FLNC: variants seen among roughly 807,000 people sequenced by gnomAD.
FLNC encodes the protein filamin C, also known as filamin-C.
A neutral mutation model predicts 254.3 loss-of-function variants in FLNC; 91 were observed. The observed-to-expected ratio is 0.36, with a 90% CI of 0.30 to 0.43. FLNC has a LOEUF of 0.43. FLNC is among the 20% of genes least tolerant of loss of function. FLNC has a pLI of 1.00. For missense variants in FLNC, 2,853 were observed against 3,802.6 expected (o/e 0.75, Z 6.57); for synonymous variants, 1,430 against 1,577.2 (o/e 0.91, Z 2.21).
Position 128,856,662 on chromosome 7 carries a change from C to T in FLNC, c.7384+12C>T, listed in dbSNP as rs1585171712. On this transcript the variant is annotated intron_variant, in intron 44 of 47. Transcript: ENST00000325888. This position sits in a 1 kb window ranked among gnomAD's most constrained non-coding sequence, Gnocchi z 5.9. ...TGAGCTGGACAGTGGTGAGCTGGCCCTGCCCCTGCCAACTCCCTTCCGGGC... is the reference window on the plus strand; with the variant it reads ...TGAGCTGGACAGTGGTGAGCTGGCCTTGCCCCTGCCAACTCCCTTCCGGGC... 6.2e-7 allele frequency: 1 copy of T among 1,613,498 alleles called. No individual in the cohort carries two copies. The highest frequency in any genetic ancestry group is 8.5e-7 in the Non-Finnish European group (1 of 1,180,020).
Position 128,841,078 on chromosome 7 carries a change from G to C in FLNC, c.1814-92G>C. ...GCTGGGGAGCGCTGGGGTGAGCAGGGAGATAGGACATGAGGGCAGCTAGAG... is the reference window on the plus strand; with the variant it reads ...GCTGGGGAGCGCTGGGGTGAGCAGGCAGATAGGACATGAGGGCAGCTAGAG... On this transcript the variant is annotated intron_variant, in intron 11 of 47. Coordinates refer to ENST00000325888, the MANE Select transcript of FLNC (RefSeq NM_001458.5). This position sits in a 1 kb window ranked among gnomAD's most constrained non-coding sequence, Gnocchi z 4.3. The C allele has an allele frequency of 1.9e-6, 3 of 1,576,080 alleles. No homozygotes were observed. The South Asian group carries it at 3.3e-5, about 18-fold the overall frequency.
chr7:128,844,148 C>T lies in FLNC; in HGVS notation c.3074C>T (p.Ala1025Val). 6.2e-7 allele frequency: 1 copy of T among 1,613,942 alleles called. No homozygotes were observed. Residue 1025 changes from alanine (A) to valine (V), a missense_variant, in exon 20 of 48, where the codon GCT (alanine) becomes GTT (valine). Ala to Val is a moderately conservative substitution (Grantham distance 64). Around this residue, in one of 10 missense-constraint regions of FLNC, gnomAD observed 1,573 missense variants for 1,883.5 expected, o/e 0.84. Coordinates refer to ENST00000325888, the MANE Select transcript of FLNC (RefSeq NM_001458.5). ...LEPGGGAEAQ[A>V]VRYMPPEEGP... Reference sequence around the variant, plus strand: ...CCAGGCGGTGGAGCGGAAGCCCAGGCTGTGCGCTACATGCCCCCGGAGGAG... The same window carrying T: ...CCAGGCGGTGGAGCGGAAGCCCAGGTTGTGCGCTACATGCCCCCGGAGGAG...
rs776836536 is a variant in FLNC, at chr7:128,830,636, G to A, written c.-2G>A. 9 of 1,611,830 alleles carry A rather than the reference G, an allele frequency of 5.6e-6. No individual in the cohort carries two copies. On this transcript the variant is annotated 5_prime_UTR_variant, in exon 1 of 48. Coordinates refer to ENST00000325888, the MANE Select transcript of FLNC (RefSeq NM_001458.5). ...CCGGCCGCACCCCCAGCCCGCGCCAGCATGATGAACAACAGCGGCTACTCA... is the reference window on the plus strand; with the variant it reads ...CCGGCCGCACCCCCAGCCCGCGCCAACATGATGAACAACAGCGGCTACTCA...
Position 128,849,554 on chromosome 7 carries a change from C to T in FLNC, c.5175C>T (p.Ile1725=). The change falls in exon 30 of 48, where the codon ATC becomes ATT. Residue 1725 remains isoleucine (I), a synonymous_variant. Transcript: ENST00000325888. ...CCATCCGCTTCGGGGGTGAGCACAT[C>T]CCCAACAGCCCCTTCCACGTGCTGG... is the stretch of plus-strand genomic sequence containing the variant. The part of the protein sequence containing the change: ...VITIRFGGEH[I]PNSPFHVLAC... The T allele has an allele frequency of 1.2e-6, 2 of 1,614,046 alleles. No individual in the cohort carries two copies. Among genetic ancestry groups the T allele is most frequent in the Admixed American group, 1.7e-5 (1 of 60,026 alleles).
At position 128,847,686 on chromosome 7, in the gene FLNC, TCTC is replaced by T. The variant is rs1286999803; in HGVS notation, c.4289-7_4289-5del. ...GCTGGTGGGCAGGGTCTAATGTCCT[TCTC>T]CTCACAGGGAGCCCGTTCCGCGTGC... On this transcript the variant is annotated splice_polypyrimidine_tract_variant and splice_region_variant and intron_variant, in intron 24 of 47. Coordinates refer to ENST00000325888, the MANE Select transcript of FLNC (RefSeq NM_001458.5). 4 of 1,613,834 alleles carry T rather than the reference TCTC, an allele frequency of 2.5e-6. No individual in the cohort carries two copies. The East Asian group carries it at 6.7e-5, about 27-fold the overall frequency.
Position 128,848,915 on chromosome 7 carries a change from G to A in FLNC, c.4860G>A (p.Glu1620=), listed in dbSNP as rs1397680696. The change falls in exon 28 of 48, where the codon GAG becomes GAA. Residue 1620 remains glutamate (E), a synonymous_variant. Coordinates refer to ENST00000325888, the MANE Select transcript of FLNC (RefSeq NM_001458.5). Reference sequence around the variant, plus strand: ...TCACCATCAAGTATGGCGGTGATGAGATCCCCTACTCGCCCTTCCGCATCC... The same window carrying A: ...TCACCATCAAGTATGGCGGTGATGAAATCCCCTACTCGCCCTTCCGCATCC... ...YTITIKYGGD[E]IPYSPFRIHA... 18 of 1,613,696 alleles carry A rather than the reference G, an allele frequency of 1.1e-5. No individual in the cohort carries two copies. Among genetic ancestry groups the A allele is most frequent in the African/African-American group, 2.7e-5 (2 of 74,894 alleles).
At position 128,835,952 on chromosome 7, in the gene FLNC, C is replaced by A. The variant is rs74448849; in HGVS notation, c.601+378C>A. On this transcript the variant is annotated intron_variant, in intron 2 of 47. Coordinates refer to ENST00000325888, the MANE Select transcript of FLNC (RefSeq NM_001458.5). This position sits in a 1 kb window ranked among gnomAD's most constrained non-coding sequence, Gnocchi z 5.3. ...ACTGTGCCACGAGGCACTATTCCTG[C>A]CGAGCTGAGAGAGAGGCAGTGTGGT... Among the ~76,000 whole-genome samples, 2,619 of 152,298 alleles carry A rather than the reference C, an allele frequency of 0.017. 78 individuals are homozygous for A. Among genetic ancestry groups the A allele is most frequent in the South Asian group, 0.057 (273 of 4,818 alleles).
In FLNC at chr7:128,836,750, G is replaced by C. The variant is rs373679976; in HGVS notation, c.602-410G>C. Among the ~76,000 whole-genome samples the C allele has an allele frequency of 9.9e-5, 15 of 152,158 alleles. No homozygotes were observed. The highest frequency in any genetic ancestry group is 2.7e-4 in the African/African-American group (11 of 41,414). On this transcript the variant is annotated intron_variant, in intron 2 of 47. Coordinates refer to ENST00000325888, the MANE Select transcript of FLNC (RefSeq NM_001458.5). This position sits in a 1 kb window ranked among gnomAD's most constrained non-coding sequence, Gnocchi z 6.0. ...GGGCAGCTGTGAGGAGGCCTTCTAG[G>C]GGGGATGGGTCAGGGGCATATGTGG...
rs1807849706 is a variant in FLNC at position 128,830,684 on chromosome 7, A to G, written c.47A>G (p.Asp16Gly). 1 of 1,612,804 alleles carries G rather than the reference A, an allele frequency of 6.2e-7. No homozygotes were observed. The highest frequency in any genetic ancestry group is 1.3e-5 in the African/African-American group (1 of 75,062). Residue 16 changes from aspartate (D) to glycine (G), a missense_variant, in exon 1 of 48, where the codon GAT becomes GGT. Physicochemically the swap from Asp to Gly is moderately conservative, Grantham distance 94. Coordinates refer to ENST00000325888, the MANE Select transcript of FLNC (RefSeq NM_001458.5). ...TCAGACGCCGGCCTCGGCCTGGGCG[A>G]TGAGACAGACGAGATGCCGTCCACG... Reference protein sequence around the residue: ...GYSDAGLGLGDETDEMPSTEK... With the variant: ...GYSDAGLGLGGETDEMPSTEK...
Position 128,846,916 on chromosome 7 carries a change from A to T in FLNC, c.4288+11A>T, listed in dbSNP as rs760354046. On this transcript the variant is annotated intron_variant, in intron 24 of 47. Coordinates refer to ENST00000325888, the MANE Select transcript of FLNC (RefSeq NM_001458.5). ...GGCGGCCCATCCCAGGTGTGCAGAG[A>T]GAGTGGTCGGGGTCTCAGGGAAGAC... The T allele has an allele frequency of 6.2e-7, 1 of 1,614,106 alleles. No homozygotes were observed. Among genetic ancestry groups the T allele is most frequent in the East Asian group, 2.2e-5 (1 of 44,884 alleles).
chr7:128,839,982 GC>G, intron 8 of FLNC, 40 bp from the exon 9 acceptor site: 5 of 1,604,958 alleles, frequency 3.1e-6, no homozygotes, highest in Non-Finnish European at 4.2e-6. Context: ...GTGGTCCAAG[GC>G]CCCTCAGCAC....
rs1304314318 is a variant in FLNC, at chr7:128,846,379, G to A, written c.4043G>A (p.Cys1348Tyr). The A allele has an allele frequency of 6.2e-7, 1 of 1,612,368 alleles. No individual in the cohort carries two copies. Among genetic ancestry groups the A allele is most frequent in the Non-Finnish European group, 8.5e-7 (1 of 1,180,026 alleles). The change falls in exon 23 of 48, where the codon TGT (cysteine) becomes TAT (tyrosine). Residue 1348 changes from cysteine to tyrosine, a missense_variant. Around this residue, in one of 10 missense-constraint regions of FLNC, gnomAD observed 1,573 missense variants for 1,883.5 expected, o/e 0.84. Coordinates refer to ENST00000325888, the MANE Select transcript of FLNC (RefSeq NM_001458.5). Reference sequence around the variant, plus strand: ...TTCCGAGTGGGCGTGACCGAGGGCTGTGATCCCACCCGCGTCCGAGCCTTC... The same window carrying A: ...TTCCGAGTGGGCGTGACCGAGGGCTATGATCCCACCCGCGTCCGAGCCTTC... ...SPFRVGVTEG[C>Y]DPTRVRAFGP...
At position 128,849,021 on chromosome 7, in the gene FLNC, C is replaced by T. The variant is rs1365805340; in HGVS notation, c.4927+39C>T. On this transcript the variant is annotated intron_variant, in intron 28 of 47. Coordinates refer to ENST00000325888, the MANE Select transcript of FLNC (RefSeq NM_001458.5). ...CGCTGCCCGTGCCCTGCTCACCACC[C>T]AGCCCCTCAAAGCCCCTCCAGAACC... The T allele has an allele frequency of 5.0e-6, 8 of 1,603,902 alleles. No individual in the cohort carries two copies. In the Admixed American group the frequency reaches 1.0e-4, roughly 20 times the overall value.
chr7:128,838,446 G>A lies in FLNC; in HGVS notation c.1210+17G>A. 1 of 1,613,638 alleles carries A rather than the reference G, an allele frequency of 6.2e-7. No individual in the cohort carries two copies. The highest frequency in any genetic ancestry group is 8.5e-7 in the Non-Finnish European group (1 of 1,179,972). On this transcript the variant is annotated intron_variant, in intron 7 of 47. Coordinates refer to ENST00000325888, the MANE Select transcript of FLNC (RefSeq NM_001458.5). The stretch of plus-strand genomic sequence containing the variant: ...ACACTGCGGGTAGGACGGGCCCCAG[G>A]GGGTGCAGGTGGAAAGCCCCTGACC...
chr7:128,840,069 C>T lies in FLNC; in HGVS notation c.1458C>T (p.Pro486=). 6.2e-7 allele frequency: 1 copy of T among 1,614,022 alleles called. No individual in the cohort carries two copies. Among genetic ancestry groups the T allele is most frequent in the African/African-American group, 1.3e-5 (1 of 75,012 alleles). ...ACRASGRGLQ[P]KGVRVKEVAD... ...GCGCCTCTGGGCGAGGCCTGCAGCC[C>T]AAGGGTGTTCGCGTGAAAGAGGTGG... Residue 486 remains proline (P), a synonymous_variant, in exon 9 of 48, where the codon CCC becomes CCT. Coordinates refer to ENST00000325888, the MANE Select transcript of FLNC (RefSeq NM_001458.5).
chr7:128,854,228 A>C lies in FLNC; in HGVS notation c.6727+12A>C, dbSNP rs759255807. 1.2e-5 allele frequency: 19 copies of C among 1,605,976 alleles called. No individual in the cohort carries two copies. The highest frequency in any genetic ancestry group is 2.5e-6 in the Non-Finnish European group (3 of 1,176,664). ...CCGGCAGCAGGAGGGTGAGCACCGCACACTGGGCCGGCCGGGTCCTCACGG... is the reference window on the plus strand; with the variant it reads ...CCGGCAGCAGGAGGGTGAGCACCGCCCACTGGGCCGGCCGGGTCCTCACGG... On this transcript the variant is annotated intron_variant, in intron 40 of 47. Coordinates refer to ENST00000325888, the MANE Select transcript of FLNC (RefSeq NM_001458.5).
intron 8 of FLNC, 22 bp downstream of exon 8, chr7:128,838,825 C>T: frequency 6.2e-7 from 1 of 1,606,440 alleles, no homozygotes; most frequent in Non-Finnish European, 8.5e-7. Flanking sequence ...TCACTGCTCC[C>T]CACGGTAGCC....
intron 28 of FLNC, 75 bp downstream of exon 28, chr7:128,849,057 C>T (rs1808693811): frequency 4.4e-6 from 7 of 1,586,648 alleles, no homozygotes; most frequent in South Asian, 1.1e-5. Context: ...CTGGCCTGGT[C>T]CCCAGGGGTC....
Position 128,858,365 on chromosome 7 carries a change from G to A in FLNC, c.8020G>A (p.Gly2674Ser), listed in dbSNP as rs372338218. The A allele has an allele frequency of 2.3e-5, 36 of 1,573,522 alleles. No homozygotes were observed. The highest frequency in any genetic ancestry group is 1.6e-4 in the African/African-American group (12 of 73,608). ...CAACATGATGATGGTGGGCGTGCAC[G>A]GCCCCAAGACCCCCTGTGAGGAGGT... ...GTNMMMVGVH[G>S]PKTPCEEVYV... The change falls in exon 48 of 48, where the codon GGC (glycine) becomes AGC (serine). Residue 2674 changes from glycine (G) to serine (S), a missense_variant. This residue lies in a region of FLNC where 197 missense variants were observed against 351.5 expected (regional missense o/e 0.56). Coordinates refer to ENST00000325888, the MANE Select transcript of FLNC (RefSeq NM_001458.5). The surrounding 1 kb of genome is among the most constrained non-coding windows in gnomAD (Gnocchi z 6.7).
Sources: gnomAD v4.1 joint callset for allele counts (sites outside exome capture counted in the v4.1 genomes callset) on GRCh38, gnomAD v4.1.1 for gene constraint, gnomAD v4.1.1 regional missense constraint, Gnocchi (gnomAD v3.1) non-coding constraint, MANE v1.5 for transcripts, NCBI Gene and HGNC (gene_info 2026-07-23, HGNC 2026-07-21) for gene names.